The following FUBP3 variants were observed in gnomAD, a reference collection of about 807,000 sequenced individuals.
FUBP3 encodes far upstream element binding protein 3.
In FUBP3, 28 loss-of-function variants were observed where a neutral mutation model predicts 85.6. That is an observed-to-expected ratio of 0.33 (90% CI 0.24 to 0.45). The LOEUF (loss-of-function observed/expected upper bound fraction) is 0.45. Among genes scored for constraint, FUBP3 ranks in the 20% least tolerant of loss-of-function variants. FUBP3 has a pLI of 1.00. For missense variants in FUBP3, 583 were observed against 755.1 expected (o/e 0.77, Z 2.67); for synonymous variants, 271 against 271.4 (o/e 1.00, Z 0.01).
At chr9:130,599,038 A>G (rs1184350971) in intron 2 of FUBP3, among the ~76,000 whole-genome samples, 1 of 152,198 alleles carries the variant, frequency 6.6e-6, no homozygotes, top group Non-Finnish European at 1.5e-5. Context: ...CACGCCTGTA[A>G]TCCCAGCACT....
intron 9 of FUBP3, among the ~76,000 whole-genome samples, 174 bp from the exon 10 acceptor site, chr9:130,622,534 G>A (rs1266393061): frequency 6.6e-6 from 1 of 151,692 alleles, no homozygotes; most frequent in Non-Finnish European, 1.5e-5. Flanking sequence ...TAGAGGCTGA[G>A]GTGGGAGAAT....
intron 2 of FUBP3, among the ~76,000 whole-genome samples, chr9:130,609,018 A>G (rs1173211643): frequency 6.6e-6 from 1 of 152,178 alleles, no homozygotes; most frequent in Non-Finnish European, 1.5e-5. Flanking sequence ...AACTTTCCCC[A>G]AAGACGTATT....
intron 1 of FUBP3, among the ~76,000 whole-genome samples, chr9:130,587,174 C>T (rs973544951): frequency 6.6e-6 from 1 of 151,862 alleles, no homozygotes; most frequent in Non-Finnish European, 1.5e-5. Context: ...AAGTGATTCT[C>T]CTGCCTCAGC....
intron 2 of FUBP3, 67 bp from the exon 3 acceptor site, chr9:130,609,887 G>T: frequency 3.3e-6 from 4 of 1,216,580 alleles, no homozygotes; most frequent in Non-Finnish European, 4.8e-6. Context: ...GGTAAGAATG[G>T]TAAGGATGAA....
intron 1 of FUBP3, among the ~76,000 whole-genome samples, chr9:130,594,306 G>A (rs1368696092): frequency 6.6e-6 from 1 of 151,950 alleles, no homozygotes; most frequent in Admixed American, 6.6e-5. Context: ...AAATAGGCCA[G>A]GCGCTGTGGC....
intron 16 of FUBP3, 41 bp downstream of exon 16, chr9:130,632,319 G>T (rs759873789): frequency 6.7e-7 from 1 of 1,497,360 alleles, no homozygotes; most frequent in Non-Finnish European, 9.3e-7. Context: ...CTCCAGAAAG[G>T]TTGCGGCCCA....
chr9:130,631,418 G>A (rs981909189), intron 13 of FUBP3, 139 bp from the exon 14 acceptor site: 46 of 1,274,140 alleles, frequency 3.6e-5, no homozygotes, highest in Admixed American at 5.2e-5. Context: ...GGGAAGGAAG[G>A]CTAGTGTGAG....
intron 2 of FUBP3, among the ~76,000 whole-genome samples, chr9:130,605,851 G>GCA (rs1267273715): frequency 3.3e-5 from 5 of 152,170 alleles, no homozygotes; most frequent in Non-Finnish European, 5.9e-5. Context: ...AGGCATGGCG[G>GCA]CACACACCTG....
intron 5 of FUBP3, 84 bp from the exon 6 acceptor site, chr9:130,614,204 G>A: frequency 2.6e-6 from 2 of 778,622 alleles, no homozygotes; most frequent in South Asian, 1.6e-5. Context: ...GGCGTAGGAA[G>A]CAGCCCTAGA....
At chr9:130,589,698 TA>T (rs1436268327) in intron 1 of FUBP3, among the ~76,000 whole-genome samples, 48 of 32,302 alleles carry the variant, frequency 1.5e-3, no homozygotes, top group Middle Eastern at 9.6e-3. Context: ...TATATATATA[TA>T]TATATATTTT....
At chr9:130,632,100 C>G in intron 15 of FUBP3, 78 bp downstream of exon 15, 1 of 1,464,202 alleles carries the variant, frequency 6.8e-7, no homozygotes, top group Non-Finnish European at 9.6e-7. Flanking sequence ...AGGCAAGGGT[C>G]CGGTGATGCT....
chr9:130,614,974 T>A (rs1193356688), intron 6 of FUBP3, among the ~76,000 whole-genome samples: 2 of 152,198 alleles, frequency 1.3e-5, no homozygotes, highest in Admixed American at 1.3e-4. Flanking sequence ...ACATACTGAC[T>A]TAGAGCCTGC....
intron 1 of FUBP3, among the ~76,000 whole-genome samples, chr9:130,584,536 A>G (rs549793480): frequency 6.6e-6 from 1 of 151,312 alleles, no homozygotes; most frequent in East Asian, 2.0e-4. Context: ...CTCAAAAAAC[A>G]AAAGAAACTA....
Position 130,614,298 on chromosome 9 carries a change from G to A in FUBP3, c.357G>A (p.Gly119=). The A allele has an allele frequency of 1.2e-6, 2 of 1,602,226 alleles. No homozygotes were observed. Among genetic ancestry groups the A allele is most frequent in the South Asian group, 1.1e-5 (1 of 90,756 alleles). The part of the protein sequence containing the change: ...CKIQIASESS[G]IPERPCVLTG... ...TGATTCTTCTTATAGAGAGTTCTGG[G>A]ATTCCAGAGAGGCCCTGTGTACTTA... Residue 119 remains glycine (G), a synonymous_variant, in exon 6 of 19, where the codon GGG becomes GGA. Coordinates refer to ENST00000319725, the MANE Select transcript of FUBP3 (RefSeq NM_003934.2).
chr9:130,595,557 C>A lies in FUBP3; in HGVS notation c.159C>A (p.Tyr53Ter). ...TPLVDPSVYG[Y>*]GVQKRPLDDG... ...TAGTGGACCCCTCAGTATATGGATA[C>A]GGAGTACAAAAACGGCCCTTGGATG... Residue 53 changes from tyrosine to a stop codon, truncating the protein, a stop_gained, in exon 2 of 19, where the codon TAC becomes TAA. Coordinates refer to ENST00000319725, the MANE Select transcript of FUBP3 (RefSeq NM_003934.2). LOFTEE classifies it high-confidence loss of function. 2.5e-6 allele frequency: 4 copies of A among 1,573,110 alleles called. No homozygotes were observed. Among genetic ancestry groups the A allele is most frequent in the Non-Finnish European group, 3.5e-6 (4 of 1,142,994 alleles).
intron 2 of FUBP3, among the ~76,000 whole-genome samples, chr9:130,606,175 C>CG (rs1831418926): frequency 6.6e-6 from 1 of 152,100 alleles, no homozygotes; most frequent in Non-Finnish European, 1.5e-5. Flanking sequence ...TTTGTAGTGT[C>CG]CCTGGGGGAA....
chr9:130,592,509 C>A (rs1462116302), intron 1 of FUBP3, among the ~76,000 whole-genome samples: 1 of 152,112 alleles, frequency 6.6e-6, no homozygotes, highest in East Asian at 1.9e-4. Flanking sequence ...TTCTTCCTAT[C>A]TTGTCTCCTA....
chr9:130,604,047 T>A (rs761675990), intron 2 of FUBP3, among the ~76,000 whole-genome samples: 6 of 152,172 alleles, frequency 3.9e-5, no homozygotes, highest in Non-Finnish European at 7.3e-5. Context: ...GGAATATCAC[T>A]CAGCGGTAAA....
chr9:130,625,070 G>T (rs1301729777), intron 11 of FUBP3, among the ~76,000 whole-genome samples: 1 of 152,186 alleles, frequency 6.6e-6, no homozygotes, highest in Admixed American at 6.5e-5. Context: ...TTAGCCGGGC[G>T]TGGTGGCGCA....
Sources: gnomAD v4.1 joint callset for allele counts (sites outside exome capture counted in the v4.1 genomes callset) on GRCh38, gnomAD v4.1.1 for gene constraint, MANE v1.5 for transcripts, NCBI Gene and HGNC (gene_info 2026-07-23, HGNC 2026-07-21) for gene names.